The following ANKS1B variants were observed in gnomAD, a reference collection of about 807,000 sequenced individuals.
ANKS1B encodes the protein ankyrin repeat and sterile alpha motif domain-containing protein 1B.
In ANKS1B, 36 loss-of-function variants were observed where a neutral mutation model predicts 148.3. That is an observed-to-expected ratio of 0.24 (90% confidence interval 0.19 to 0.32). ANKS1B has a LOEUF of 0.32. Among genes scored for constraint, ANKS1B ranks in the 10% least tolerant of loss-of-function variants. The pLI is 1.00. For synonymous variants in ANKS1B, 542 were observed against 560.8 expected, an observed-to-expected ratio of 0.97 and a Z score of 0.47; for missense variants, 1,157 against 1,542.6, an observed-to-expected ratio of 0.75 and a Z score of 4.19.
chr12:99,157,382 G>A (rs2076178021), intron 14 of ANKS1B, among the ~76,000 whole-genome samples: 1 of 152,154 alleles, frequency 6.6e-6, no homozygotes, highest in African/African-American at 2.4e-5. Context: ...GGCTTGGCAA[G>A]GCACATGCTG....
chr12:98,876,799 G>A (rs1014856082), intron 17 of ANKS1B, among the ~76,000 whole-genome samples: 2 of 152,176 alleles, frequency 1.3e-5, no homozygotes, highest in African/African-American at 4.8e-5. Flanking sequence ...AGCAATTACA[G>A]AAGATTATAT....
intron 17 of ANKS1B, among the ~76,000 whole-genome samples, chr12:99,013,491 T>A (rs1398373121): frequency 6.6e-6 from 1 of 152,252 alleles, no homozygotes; most frequent in South Asian, 2.1e-4. Context: ...CTATTCAACA[T>A]AATATTGGAA....
intron 6 of ANKS1B, among the ~76,000 whole-genome samples, chr12:99,778,222 G>A (rs2063882467): frequency 6.6e-6 from 1 of 151,150 alleles, no homozygotes; most frequent in Non-Finnish European, 1.5e-5. Flanking sequence ...AAAGTTCAGT[G>A]AGAGGCTGGG....
intron 17 of ANKS1B, among the ~76,000 whole-genome samples, chr12:98,986,005 T>A (rs998245987): frequency 3.9e-5 from 6 of 152,224 alleles, no homozygotes; most frequent in Non-Finnish European, 7.4e-5. Context: ...GGTTATAGAA[T>A]TCAGAGTTGA....
intron 9 of ANKS1B, among the ~76,000 whole-genome samples, chr12:99,633,472 T>C (rs971291790): frequency 1.3e-5 from 2 of 152,142 alleles, no homozygotes; most frequent in Non-Finnish European, 2.9e-5. Context: ...TTACACCTTA[T>C]ACAAAAATTA....
chr12:99,157,648 G>A (rs982426919), intron 14 of ANKS1B, among the ~76,000 whole-genome samples: 9 of 152,038 alleles, frequency 5.9e-5, no homozygotes, highest in Non-Finnish European at 1.2e-4. Context: ...AGACACTGGA[G>A]ACTCAGAAAG....
At chr12:98,906,904 T>C (rs1297973585) in intron 17 of ANKS1B, among the ~76,000 whole-genome samples, 1 of 152,206 alleles carries the variant, frequency 6.6e-6, no homozygotes, top group Non-Finnish European at 1.5e-5. Context: ...TACACCTGTA[T>C]GTATTCAAGG....
intron 1 of ANKS1B, among the ~76,000 whole-genome samples, chr12:99,876,470 C>A (rs929650725): frequency 6.6e-6 from 1 of 152,120 alleles, no homozygotes; most frequent in African/African-American, 2.4e-5. Flanking sequence ...CGCCTGTAAT[C>A]CTAGCACTTT....
chr12:99,679,410 C>T (rs2153480325), intron 8 of ANKS1B, among the ~76,000 whole-genome samples: 1 of 152,134 alleles, frequency 6.6e-6, no homozygotes, highest in East Asian at 1.9e-4. Context: ...CAGGCTCAAG[C>T]CATCCTCCCA....
chr12:99,776,311 G>A (rs1173120624), intron 6 of ANKS1B, among the ~76,000 whole-genome samples: 1 of 152,066 alleles, frequency 6.6e-6, no homozygotes, highest in African/African-American at 2.4e-5. Flanking sequence ...GCTTACTATG[G>A]ACCCAGCATT....
At chr12:99,592,329 G>A (rs2097711051) in intron 9 of ANKS1B, among the ~76,000 whole-genome samples, 1 of 152,038 alleles carries the variant, frequency 6.6e-6, no homozygotes, top group African/African-American at 2.4e-5. Flanking sequence ...AAGTACTACG[G>A]TTTGAAGTGA....
chr12:99,928,436 G>A (rs1396811246), intron 1 of ANKS1B, among the ~76,000 whole-genome samples: 138 of 150,632 alleles, frequency 9.2e-4, no homozygotes, highest in Non-Finnish European at 1.7e-3. Flanking sequence ...CCGCCACCGC[G>A]CCCGGCTAAT....
chr12:99,247,053 G>C (rs11109774), intron 12 of ANKS1B, among the ~76,000 whole-genome samples, 189 bp from the exon 13 acceptor site: 4 of 152,150 alleles, frequency 2.6e-5, no homozygotes, highest in Non-Finnish European at 5.9e-5. Flanking sequence ...GTGTGTGTGC[G>C]TGTGTATGCA....
intron 1 of ANKS1B, among the ~76,000 whole-genome samples, chr12:99,908,855 T>C (rs2093892960): frequency 6.6e-6 from 1 of 152,222 alleles, no homozygotes; most frequent in South Asian, 2.1e-4. Flanking sequence ...TTTCCCCCTT[T>C]GGTGATAATC....
At chr12:99,775,147 G>A (rs745441126) in intron 7 of ANKS1B, among the ~76,000 whole-genome samples, 120 of 151,968 alleles carry the variant, frequency 7.9e-4, no homozygotes, top group Admixed American at 2.2e-3. Flanking sequence ...GATCTTAAGT[G>A]TTCTCTCCAA....
chr12:98,823,875 G>T (rs772953410), intron 19 of ANKS1B, among the ~76,000 whole-genome samples: 1 of 152,222 alleles, frequency 6.6e-6, no homozygotes, highest in Non-Finnish European at 1.5e-5. Context: ...AGTAATGCCA[G>T]AGCAGTGGGT....
At chr12:98,990,491 G>T (rs1444515162) in intron 17 of ANKS1B, among the ~76,000 whole-genome samples, 2 of 150,616 alleles carry the variant, frequency 1.3e-5, no homozygotes, top group South Asian at 2.1e-4. Flanking sequence ...TTAGGGTGTA[G>T]TATGGCCTGG....
intron 10 of ANKS1B, among the ~76,000 whole-genome samples, chr12:99,486,992 G>C (rs115349746): frequency 3.9e-5 from 6 of 152,170 alleles, no homozygotes; most frequent in East Asian, 1.9e-4. Flanking sequence ...GGTGGACAAG[G>C]GGGGAATGAC....
chr12:99,300,539 T>C (rs1244020422), intron 12 of ANKS1B, among the ~76,000 whole-genome samples: 1 of 152,084 alleles, frequency 6.6e-6, no homozygotes, highest in Non-Finnish European at 1.5e-5. Flanking sequence ...ATGGAGCATC[T>C]ACATTTTTGC....
Sources: gnomAD v4.1 joint callset for allele counts (sites outside exome capture counted in the v4.1 genomes callset) on GRCh38, gnomAD v4.1.1 for gene constraint, MANE v1.5 for transcripts, NCBI Gene and HGNC (gene_info 2026-07-23, HGNC 2026-07-21) for gene names.